The following RGMA variants were observed in gnomAD, a reference collection of about 807,000 sequenced individuals.
RGMA encodes repulsive guidance molecule A.
In RGMA, 10 loss-of-function variants were observed where a neutral mutation model predicts 23.2. That is an observed-to-expected ratio of 0.43 (90% CI 0.27 to 0.73). The LOEUF (loss-of-function observed/expected upper bound fraction) is 0.73, where lower values mean the gene tolerates loss of function less well. RGMA is among the 30% of genes least tolerant of loss of function. The probability of loss-of-function intolerance (pLI) is 0.20; values close to 1 mark genes in which losing one functional copy is unlikely to be tolerated. For missense variants in RGMA, 547 were observed against 630.5 expected, an observed-to-expected ratio of 0.87 and a Z score of 1.42; for synonymous variants, 308 against 279.3, an observed-to-expected ratio of 1.10 and a Z score of -1.03.
rs144726881 is a variant in RGMA, at chr15:93,066,543, C to T, written c.130+6373G>A. 1.4e-3 allele frequency: 662 copies of T among 478,756 alleles called. 5 individuals are homozygous for T. The highest frequency in any genetic ancestry group is 0.011 in the African/African-American group (537 of 50,878). The allele number at this position is 478,756 out of a possible 1,614,324, so 29.7% of individuals were successfully genotyped here. A position where few individuals can be genotyped will look rare whatever the true frequency, so the allele number is the denominator to read the frequency against. ...GCCCCTGCCACCGCCCTCCCCGCCA[C>T]CTGCTTTCTGGGGCTTCCCTGCGGG... On this transcript the variant is annotated intron_variant, in intron 2 of 3. Coordinates refer to ENST00000329082, the MANE Select transcript of RGMA (RefSeq NM_020211.3).
intron 3 of RGMA, among the ~76,000 whole-genome samples, chr15:93,048,486 CAGG>C (rs927056705): frequency 6.6e-6 from 1 of 152,130 alleles, no homozygotes; most frequent in African/African-American, 2.4e-5. Flanking sequence ...GCAGCAGCAC[CAGG>C]AGGACCCCAA....
intron 2 of RGMA, among the ~76,000 whole-genome samples, chr15:93,071,133 C>G (rs374547574): frequency 6.6e-6 from 1 of 152,206 alleles, no homozygotes; most frequent in Non-Finnish European, 1.5e-5. Context: ...ACATCCCCCA[C>G]GGCAGCCAAG....
intron 2 of RGMA, among the ~76,000 whole-genome samples, chr15:93,058,854 C>T (rs924755537): frequency 1.3e-5 from 2 of 152,146 alleles, no homozygotes; most frequent in African/African-American, 2.4e-5. Context: ...TCTTGGGGGC[C>T]TCACTGGGGA....
At chr15:93,080,772 T>C (rs1443445834) in intron 1 of RGMA, among the ~76,000 whole-genome samples, 1 of 151,778 alleles carries the variant, frequency 6.6e-6, no homozygotes, top group East Asian at 1.9e-4. Flanking sequence ...ACACCTGTCC[T>C]TCTCGACTTC....
intron 1 of RGMA, among the ~76,000 whole-genome samples, chr15:93,084,346 C>T (rs899239118): frequency 1.7e-4 from 26 of 152,192 alleles, no homozygotes; most frequent in African/African-American, 3.1e-4. Context: ...AATGGTATTC[C>T]GGCAAGGCAT....
At chr15:93,073,191 C>G in intron 1 of RGMA, 160 bp from the exon 2 acceptor site, 1 of 1,212,258 alleles carries the variant, frequency 8.2e-7, no homozygotes, top group Non-Finnish European at 1.0e-6. Context: ...GCGCGCCCCT[C>G]CCTCGCCATC....
Position 93,044,984 on chromosome 15 carries a change from C to T in RGMA, c.*14G>A. The T allele has an allele frequency of 6.3e-7, 1 of 1,587,442 alleles. No homozygotes were observed. Among genetic ancestry groups the T allele is most frequent in the Non-Finnish European group, 8.6e-7 (1 of 1,166,024 alleles). ...GAGAGGACGGAGCCCGCGCCTCCCTCCACATCTACGCGTCTAGCAGAACAC... is the reference window on the plus strand; with the variant it reads ...GAGAGGACGGAGCCCGCGCCTCCCTTCACATCTACGCGTCTAGCAGAACAC... On this transcript the variant is annotated 3_prime_UTR_variant, in exon 4 of 4. Coordinates refer to ENST00000329082, the MANE Select transcript of RGMA (RefSeq NM_020211.3).
chr15:93,073,602 C>T lies in RGMA; in HGVS notation c.15-571G>A, dbSNP rs1181717608. The T allele has an allele frequency of 2.0e-6, 3 of 1,536,480 alleles. No homozygotes were observed. In the East Asian group the frequency reaches 7.3e-5, roughly 38 times the overall value. Reference sequence around the variant, plus strand: ...TGCCGACCCCAAGCTTCCACCGACGCCCCCTGGCTCATCAGTCGCACTCAG... The same window carrying T: ...TGCCGACCCCAAGCTTCCACCGACGTCCCCTGGCTCATCAGTCGCACTCAG... On this transcript the variant is annotated intron_variant, in intron 1 of 3. Transcript: ENST00000329082.
Position 93,037,694 on chromosome 15 carries a change from T to C in RGMA, c.*7304A>G, listed in dbSNP as rs1487853958. On this transcript the variant is annotated 3_prime_UTR_variant, in exon 4 of 4. Transcript: ENST00000329082. This position sits in a 1 kb window ranked among gnomAD's most constrained non-coding sequence, Gnocchi z 4.3. ...AGACAGTGTCTGAACACGTCTTTGTTCTTCTCTGGGCAGATCTGCTTGGCC... is the reference window on the plus strand; with the variant it reads ...AGACAGTGTCTGAACACGTCTTTGTCCTTCTCTGGGCAGATCTGCTTGGCC... 2.0e-5 allele frequency: 3 copies of C among 152,324 alleles called. No individual in the cohort carries two copies. The East Asian group carries it at 5.8e-4, about 29-fold the overall frequency. 9.4% of individuals were successfully genotyped at this position (152,324 alleles called of 1,614,324 possible).
intron 2 of RGMA, among the ~76,000 whole-genome samples, chr15:93,056,822 G>T (rs1294342298): frequency 1.3e-5 from 2 of 152,196 alleles, no homozygotes; most frequent in African/African-American, 4.8e-5. Flanking sequence ...ACCTTAAAGG[G>T]TCGCTGAGGA....
chr15:93,087,396 T>C (rs1197297491), intron 1 of RGMA, among the ~76,000 whole-genome samples: 1 of 141,348 alleles, frequency 7.1e-6, no homozygotes, highest in Non-Finnish European at 1.5e-5. Flanking sequence ...TTGGAGATCA[T>C]GTCCCTGTAA....
intron 1 of RGMA, among the ~76,000 whole-genome samples, chr15:93,076,042 G>A (rs77467660): frequency 0.024 from 3,608 of 152,216 alleles, 69 homozygotes; most frequent in Non-Finnish European, 0.034. Flanking sequence ...TTCCTAAAAC[G>A]TTAGATTTGA....
chr15:93,045,348 C>G lies in RGMA; in HGVS notation c.1003G>C (p.Glu335Gln). Reference sequence around the variant, plus strand: ...GCCAGCCTGCGGGCACCGGTGCCCTCAGCATTGGTGTGGAAGGCCTGGAAG... The same window carrying G: ...GCCAGCCTGCGGGCACCGGTGCCCTGAGCATTGGTGTGGAAGGCCTGGAAG... ...IDFQAFHTNA[E>Q]GTGARRLAAA... The change falls in exon 4 of 4, where the codon GAG (glutamate) becomes CAG (glutamine). Residue 335 changes from glutamate to glutamine, a missense_variant. By Grantham distance (29) the Glu-to-Gln change is conservative. This residue lies in a region of RGMA where 205 missense variants were observed against 204.1 expected (regional missense o/e 1.00). Coordinates refer to ENST00000329082, the MANE Select transcript of RGMA (RefSeq NM_020211.3). The surrounding 1 kb of genome is among the most constrained non-coding windows in gnomAD (Gnocchi z 6.9). 6.2e-7 allele frequency: 1 copy of G among 1,611,942 alleles called. No individual in the cohort carries two copies. The highest frequency in any genetic ancestry group is 2.2e-5 in the East Asian group (1 of 44,754).
chr15:93,053,769 C>T (rs963001051), intron 2 of RGMA, among the ~76,000 whole-genome samples: 2 of 152,210 alleles, frequency 1.3e-5, no homozygotes, highest in Non-Finnish European at 2.9e-5. Flanking sequence ...CTTCCCAGAT[C>T]ACAGACTTGA....
At chr15:93,056,283 G>A (rs1253947696) in intron 2 of RGMA, among the ~76,000 whole-genome samples, 2 of 152,234 alleles carry the variant, frequency 1.3e-5, no homozygotes, top group South Asian at 4.1e-4. Context: ...GGCTGGTGGC[G>A]AAGTTTCAGA....
rs367995077 is a variant in RGMA at position 93,052,179 on chromosome 15, C to T, written c.459G>A (p.Lys153=). The T allele has an allele frequency of 9.3e-6, 15 of 1,612,584 alleles. No homozygotes were observed. The highest frequency in any genetic ancestry group is 1.2e-5 in the Non-Finnish European group (14 of 1,178,870). Residue 153 remains lysine, a synonymous_variant, in exon 3 of 4, where the codon AAG becomes AAA. Coordinates refer to ENST00000329082, the MANE Select transcript of RGMA (RefSeq NM_020211.3). ...EICHYEKSFH[K]HSATPNYTHC... is the part of the protein sequence containing the mutation. ...GCGTGTAGTTGGGGGTGGCCGAGTG[C>T]TTGTGAAAGCTCTTCTCGTAATGGC...
chr15:93,082,919 T>A (rs1895581450), intron 1 of RGMA, among the ~76,000 whole-genome samples: 1 of 152,254 alleles, frequency 6.6e-6, no homozygotes, highest in Non-Finnish European at 1.5e-5. Flanking sequence ...TCATTGGAGT[T>A]CTTTCAGTCC....
chr15:93,061,155 A>G (rs1894947682), intron 2 of RGMA, among the ~76,000 whole-genome samples: 1 of 152,166 alleles, frequency 6.6e-6, no homozygotes, highest in Non-Finnish European at 1.5e-5. Flanking sequence ...AAAGCCTATC[A>G]GGAGATTTAC....
chr15:93,047,329 G>C (rs912765403), intron 3 of RGMA, among the ~76,000 whole-genome samples: 2 of 152,168 alleles, frequency 1.3e-5, no homozygotes, highest in Non-Finnish European at 2.9e-5. Context: ...CCTTTCCCAG[G>C]TGTCAGCTGT....
Sources: gnomAD v4.1 joint callset for allele counts (sites outside exome capture counted in the v4.1 genomes callset) on GRCh38, gnomAD v4.1.1 for gene constraint, gnomAD v4.1.1 regional missense constraint, Gnocchi (gnomAD v3.1) non-coding constraint, MANE v1.5 for transcripts, NCBI Gene and HGNC (gene_info 2026-07-23, HGNC 2026-07-21) for gene names.